CDH11: variants seen among roughly 807,000 people sequenced by gnomAD.
CDH11 encodes cadherin-11.
A neutral mutation model predicts 67.8 loss-of-function variants in CDH11; 11 were observed. The ratio of observed to expected loss-of-function variants is 0.16; its 90% CI spans 0.10 to 0.27. The LOEUF (loss-of-function observed/expected upper bound fraction) is 0.27. CDH11 is among the 10% of genes least tolerant of loss of function. The pLI, the probability that CDH11 is intolerant of heterozygous loss-of-function variation, is 1.00. For missense variants in CDH11, 847 were observed against 1,031.2 expected (o/e 0.82, Z 2.45); for synonymous variants, 419 against 400.0 (o/e 1.05, Z -0.57).
At chr16:65,048,084 C>A (rs2073994258) in intron 2 of CDH11, among the ~76,000 whole-genome samples, 2 of 152,204 alleles carry the variant, frequency 1.3e-5, no homozygotes, top group African/African-American at 4.8e-5. Flanking sequence ...GTATCCCCAG[C>A]ACCTAGTCCA....
At chr16:64,983,296 T>G (rs1399103000) in intron 7 of CDH11, 1 of 152,182 alleles carries the variant, frequency 6.6e-6, no homozygotes, top group African/African-American at 2.4e-5. Context: ...AAACACTGCC[T>G]AATTTTGAAT....
intron 3 of CDH11, 40 bp downstream of exon 3, chr16:65,004,602 G>C (rs746563234): frequency 6.3e-7 from 1 of 1,576,918 alleles, no homozygotes; most frequent in Non-Finnish European, 8.6e-7. Context: ...TATTCCAATG[G>C]TGGGTTGGAA....
rs77851237 is a variant in CDH11 at position 64,989,314 on chromosome 16, G to T, written c.812-970C>A. On this transcript the variant is annotated intron_variant, in intron 6 of 12. Transcript: ENST00000268603. ...AGAGTGTGAGTGTGTGTATGAATGT[G>T]AGCTATTTGTGAGTGAGTTTGTGTA... Among the ~76,000 whole-genome samples the T allele has an allele frequency of 4.4e-3, 667 of 152,038 alleles. 4 individuals are homozygous for T. Among genetic ancestry groups the T allele is most frequent in the African/African-American group, 0.015 (627 of 41,502 alleles).
chr16:65,035,770 A>T (rs989012770), intron 2 of CDH11, among the ~76,000 whole-genome samples: 1 of 152,212 alleles, frequency 6.6e-6, no homozygotes, highest in African/African-American at 2.4e-5. Flanking sequence ...TGTTTTATTG[A>T]TGAAGAATGA....
At chr16:65,091,653 G>A (rs954445788) in intron 1 of CDH11, among the ~76,000 whole-genome samples, 16 of 150,686 alleles carry the variant, frequency 1.1e-4, no homozygotes, top group South Asian at 4.2e-4. Flanking sequence ...CTGGGTTCAC[G>A]CCATTCTCCT....
intron 1 of CDH11, among the ~76,000 whole-genome samples, chr16:65,101,929 A>G (rs2074998741): frequency 6.6e-6 from 1 of 152,238 alleles, no homozygotes; most frequent in South Asian, 2.1e-4. Context: ...GTGGATGGGC[A>G]GATGACATAT....
chr16:65,090,532 C>T (rs1413930435), intron 1 of CDH11, among the ~76,000 whole-genome samples: 1 of 152,140 alleles, frequency 6.6e-6, no homozygotes, highest in East Asian at 1.9e-4. Flanking sequence ...AACAACTCCC[C>T]ATCTCTAAGC....
intron 3 of CDH11, among the ~76,000 whole-genome samples, chr16:65,004,175 G>C (rs2072992075): frequency 6.6e-6 from 1 of 152,072 alleles, no homozygotes. Flanking sequence ...AAGCCAACCT[G>C]GGCAACACAG....
At chr16:64,988,862 C>T (rs987638287) in intron 6 of CDH11, among the ~76,000 whole-genome samples, 4 of 152,162 alleles carry the variant, frequency 2.6e-5, no homozygotes, top group Admixed American at 6.5e-5. Flanking sequence ...CGACACTCCC[C>T]TTATTTCACC....
At chr16:64,988,407 T>C in intron 6 of CDH11, 63 bp from the exon 7 acceptor site, 5 of 1,363,078 alleles carry the variant, frequency 3.7e-6, no homozygotes, top group South Asian at 1.4e-5. Context: ...GACTATAGAT[T>C]TCATTGAATC....
intron 11 of CDH11, among the ~76,000 whole-genome samples, chr16:64,967,167 G>C (rs969844742): frequency 2.0e-5 from 3 of 152,168 alleles, no homozygotes; most frequent in African/African-American, 7.2e-5. Context: ...CTGATGATCA[G>C]TTTATTAATT....
At chr16:65,030,593 C>T (rs1273285129) in intron 2 of CDH11, among the ~76,000 whole-genome samples, 1 of 152,114 alleles carries the variant, frequency 6.6e-6, no homozygotes, top group African/African-American at 2.4e-5. Context: ...TTATTTTAGA[C>T]AGGGTCTCCT....
intron 1 of CDH11, among the ~76,000 whole-genome samples, chr16:65,115,716 A>AAC (rs2075232554): frequency 2.1e-5 from 3 of 140,462 alleles, no homozygotes; most frequent in Admixed American, 7.2e-5. Context: ...CCAAAAAAAA[A>AAC]AAAAACAAAA....
intron 7 of CDH11, chr16:64,987,069 A>C (rs2072505393): frequency 6.6e-6 from 1 of 152,196 alleles, no homozygotes; most frequent in Non-Finnish European, 1.5e-5. Flanking sequence ...CATGCTATAA[A>C]ACTAAGTTGA....
intron 1 of CDH11, among the ~76,000 whole-genome samples, chr16:65,093,420 C>A (rs2074828770): frequency 6.6e-6 from 1 of 151,984 alleles, no homozygotes; most frequent in Admixed American, 6.6e-5. Flanking sequence ...GTGCCCAGAA[C>A]TCAAGGCTCT....
chr16:65,086,459 A>T (rs542784351), intron 1 of CDH11, among the ~76,000 whole-genome samples: 5 of 152,362 alleles, frequency 3.3e-5, no homozygotes, highest in African/African-American at 1.2e-4. Context: ...TGAAAGCTAC[A>T]TCTAGATCCG....
intron 4 of CDH11, among the ~76,000 whole-genome samples, chr16:64,995,017 G>A (rs1225270154): frequency 6.6e-6 from 1 of 152,094 alleles, no homozygotes; most frequent in East Asian, 1.9e-4. Context: ...TAAATGATCT[G>A]TACAAGGAGA....
chr16:64,997,300 AAAAT>A (rs71143544), intron 4 of CDH11, among the ~76,000 whole-genome samples: 12,834 of 125,050 alleles, frequency 0.1, 1,327 homozygotes, highest in African/African-American at 0.27. Flanking sequence ...ACTCTGTCTC[AAAAT>A]AAATAAATAA....
Position 65,111,488 on chromosome 16 carries a change from A to G in CDH11, c.-298+10392T>C, listed in dbSNP as rs151094310. Among the ~76,000 whole-genome samples the G allele has an allele frequency of 6.6e-3, 1,010 of 152,254 alleles. 15 individuals carry two copies. Among genetic ancestry groups the G allele is most frequent in the African/African-American group, 0.023 (959 of 41,520 alleles). ...GGGAAATGCGGCTTAACGGCAGCAC[A>G]TAAGGAAAAAGAAATAAACAAATAA... On this transcript the variant is annotated intron_variant, in intron 1 of 12. Coordinates refer to ENST00000268603, the MANE Select transcript of CDH11 (RefSeq NM_001797.4).
Sources: allele counts gnomAD v4.1 joint callset (sites outside exome capture counted in the v4.1 genomes callset), GRCh38; gene constraint gnomAD v4.1.1; transcripts MANE v1.5; gene names NCBI Gene and HGNC (gene_info 2026-07-23, HGNC 2026-07-21).